SEL1L3: variants seen among roughly 807,000 people sequenced by gnomAD.
The protein encoded by SEL1L3 is SEL1L family member 3, also known as protein sel-1 homolog 3.
Under a neutral mutation model 142.8 loss-of-function variants are expected in SEL1L3, and 76 were observed. The observed-to-expected ratio is 0.53, with a 90% confidence interval of 0.44 to 0.64. The LOEUF (loss-of-function observed/expected upper bound fraction) is 0.64. Ranked by LOEUF, SEL1L3 falls within the 30% of genes least tolerant of loss-of-function variation. The pLI, the probability that SEL1L3 is intolerant of heterozygous loss-of-function variation, is 0.00. For missense variants in SEL1L3, 1,262 were observed against 1,381.7 expected (o/e 0.91, Z 1.37); for synonymous variants, 504 against 519.6 (o/e 0.97, Z 0.41).
chr4:25,825,666 ATTTTTTTTTTTT>A (rs33997941), intron 6 of SEL1L3, among the ~76,000 whole-genome samples: 19 of 74,052 alleles, frequency 2.6e-4, no homozygotes, highest in African/African-American at 1.0e-3. Flanking sequence ...TCTAAATTCT[ATTTTTTTTTTTT>A]TTTTTTTTTT....
intron 23 of SEL1L3, chr4:25,756,398 T>C: frequency 8.1e-6 from 8 of 985,338 alleles, no homozygotes; most frequent in Non-Finnish European, 9.6e-6. Flanking sequence ...GAGCTAACAT[T>C]TATTGAGAAG....
At position 25,802,464 on chromosome 4, in the gene SEL1L3, T is replaced by C; in HGVS notation, c.1777-2A>G. On this transcript the variant is annotated splice_acceptor_variant, in intron 10 of 23. Coordinates refer to ENST00000399878, the MANE Select transcript of SEL1L3 (RefSeq NM_015187.5). LOFTEE classifies it high-confidence loss of function. ...TCCAACCAAACTATACAACATGCCC[T>C]GTTAGGAAGAAATTGACAAAGCGTT... 4 of 1,608,314 alleles carry C rather than the reference T, an allele frequency of 2.5e-6. No homozygotes were observed. The highest frequency in any genetic ancestry group is 3.4e-6 in the Non-Finnish European group (4 of 1,176,708).
chr4:25,852,259 A>G (rs902886990), intron 1 of SEL1L3, among the ~76,000 whole-genome samples: 2 of 152,120 alleles, frequency 1.3e-5, no homozygotes, highest in African/African-American at 4.8e-5. Flanking sequence ...TGGGTGAGCA[A>G]AGGCAAGCCC....
the SEL1L3 span, among the ~76,000 whole-genome samples, chr4:25,742,063 C>T: frequency 2.0e-5 from 3 of 151,788 alleles, no homozygotes; most frequent in Admixed American, 6.6e-5. Flanking sequence ...CTGCCTGCCT[C>T]GGCCTCCCAA....
At chr4:25,779,255 C>G in intron 15 of SEL1L3, 52 bp from the exon 16 acceptor site, 1 of 1,604,718 alleles carries the variant, frequency 6.2e-7, no homozygotes, top group Non-Finnish European at 8.5e-7. Flanking sequence ...GCTGGTTTCG[C>G]CAGAGACAAG....
At chr4:25,757,254 C>T (rs545410607) in intron 23 of SEL1L3, among the ~76,000 whole-genome samples, 7 of 151,730 alleles carry the variant, frequency 4.6e-5, no homozygotes, top group Admixed American at 6.6e-5. Context: ...GGCGACAGAA[C>T]GAGACTCCAT....
the SEL1L3 span, among the ~76,000 whole-genome samples, chr4:25,716,691 G>A: frequency 2.0e-5 from 3 of 152,194 alleles, no homozygotes; most frequent in South Asian, 2.1e-4. Flanking sequence ...GTGTAAACAC[G>A]TAAGCTGGAG....
In SEL1L3 at chr4:25,779,253, CG is replaced by C. The variant is rs1719842726; in HGVS notation, c.2458-51del. ...CGAGTCATCCTAGCTGGGCTGGTTT[CG>C]CCAGAGACAAGGTGATGAGATGCTT... On this transcript the variant is annotated intron_variant, in intron 15 of 23. Transcript: ENST00000399878. 2.5e-6 allele frequency: 4 copies of C among 1,604,482 alleles called. No homozygotes were observed. In the South Asian group the frequency reaches 4.5e-5, roughly 18 times the overall value.
chr4:25,729,472 C>T, the SEL1L3 span, among the ~76,000 whole-genome samples: 5 of 152,102 alleles, frequency 3.3e-5, no homozygotes, highest in Non-Finnish European at 5.9e-5. Flanking sequence ...TCAGCACTTT[C>T]GGAGGCTGAG....
chr4:25,740,732 G>T, the SEL1L3 span, among the ~76,000 whole-genome samples: 1 of 152,268 alleles, frequency 6.6e-6, no homozygotes, highest in Admixed American at 6.5e-5. Context: ...TGTGCAGTGA[G>T]ACTGGAGAAT....
At chr4:25,862,622 C>G in intron 1 of SEL1L3, 53 bp downstream of exon 1, 1 of 1,053,584 alleles carries the variant, frequency 9.5e-7, no homozygotes, top group Non-Finnish European at 1.2e-6. Flanking sequence ...CCCCCACCCG[C>G]GTCCCCGGGG....
chr4:25,802,146 C>A (rs1032197502), intron 11 of SEL1L3, 137 bp downstream of exon 11: 1 of 715,724 alleles, frequency 1.4e-6, no homozygotes, highest in East Asian at 2.7e-5. Context: ...AAATGGAGAG[C>A]GCAAGACAGC....
intron 7 of SEL1L3, among the ~76,000 whole-genome samples, chr4:25,820,381 C>T (rs909277007): frequency 1.3e-5 from 2 of 152,268 alleles, no homozygotes; most frequent in African/African-American, 4.8e-5. Flanking sequence ...GACAGGCCCC[C>T]CTAGTGGCTC....
intron 1 of SEL1L3, among the ~76,000 whole-genome samples, chr4:25,853,249 TA>T (rs1024904068): frequency 1.3e-5 from 2 of 152,126 alleles, no homozygotes; most frequent in African/African-American, 4.8e-5. Flanking sequence ...CCCTCCAAAA[TA>T]AAAATAAAAA....
intron 9 of SEL1L3, among the ~76,000 whole-genome samples, chr4:25,805,188 C>T (rs1253028396): frequency 6.6e-6 from 1 of 152,158 alleles, no homozygotes; most frequent in Non-Finnish European, 1.5e-5. Context: ...GTTTTAGATG[C>T]TTTCTAGACA....
At chr4:25,802,570 C>A (rs1054002106) in intron 10 of SEL1L3, 108 bp from the exon 11 acceptor site, 3 of 924,276 alleles carry the variant, frequency 3.2e-6, no homozygotes, top group South Asian at 1.9e-5. Flanking sequence ...CCTAGCCATT[C>A]CAGAAATATG....
intron 6 of SEL1L3, among the ~76,000 whole-genome samples, chr4:25,824,625 T>C (rs1333547978): frequency 6.6e-6 from 1 of 152,234 alleles, no homozygotes; most frequent in Non-Finnish European, 1.5e-5. Context: ...AAGATGTGCA[T>C]ACTCTCAAGC....
intron 11 of SEL1L3, among the ~76,000 whole-genome samples, chr4:25,794,961 A>G (rs992342291): frequency 6.6e-6 from 1 of 151,328 alleles, no homozygotes; most frequent in Non-Finnish European, 1.5e-5. Context: ...AGGAACAGAA[A>G]ACCAAACACT....
At chr4:25,862,331 G>A (rs1717772976) in intron 1 of SEL1L3, among the ~76,000 whole-genome samples, 1 of 151,174 alleles carries the variant, frequency 6.6e-6, no homozygotes, top group African/African-American at 2.4e-5. Context: ...GCTGGAGACT[G>A]CGCGCGGCGG....
Sources: gnomAD v4.1 joint callset for allele counts (sites outside exome capture counted in the v4.1 genomes callset) on GRCh38, gnomAD v4.1.1 for gene constraint, MANE v1.5 for transcripts, NCBI Gene and HGNC (gene_info 2026-07-23, HGNC 2026-07-21) for gene names.